GRIK1: variants seen among roughly 807,000 people sequenced by gnomAD.
GRIK1 encodes glutamate ionotropic receptor kainate type subunit 1, also known as glutamate receptor ionotropic, kainate 1.
In GRIK1, 69 loss-of-function variants were observed where a neutral mutation model predicts 105.7. The observed-to-expected ratio is 0.65, with a 90% CI of 0.54 to 0.80. GRIK1 has a LOEUF of 0.80. Ranked by LOEUF, GRIK1 falls within the 30% of genes least tolerant of loss-of-function variation. The pLI, the probability that GRIK1 is intolerant of heterozygous loss-of-function variation, is 0.00. For missense variants in GRIK1, 1,109 were observed against 1,167.3 expected, an observed-to-expected ratio of 0.95 and a Z score of 0.73; for synonymous variants, 438 against 431.3, an observed-to-expected ratio of 1.02 and a Z score of -0.19.
chr21:29,574,680 CTTCT>C (rs2090839990), intron 14 of GRIK1, among the ~76,000 whole-genome samples: 1 of 141,898 alleles, frequency 7.0e-6, no homozygotes, highest in African/African-American at 2.6e-5. Flanking sequence ...AAATGATACA[CTTCT>C]TTTTTTTTTT....
chr21:29,707,925 T>C (rs1601502011), intron 1 of GRIK1, among the ~76,000 whole-genome samples: 1 of 152,210 alleles, frequency 6.6e-6, no homozygotes, highest in East Asian at 1.9e-4. Context: ...GGTAAGTTGT[T>C]GTCAGTTCTT....
intron 1 of GRIK1, among the ~76,000 whole-genome samples, chr21:29,831,465 AG>A (rs1200237501): frequency 6.6e-6 from 1 of 152,202 alleles, no homozygotes; most frequent in Non-Finnish European, 1.5e-5. Flanking sequence ...TAAAGAAAAA[AG>A]GCTTAATTGA....
intron 1 of GRIK1, among the ~76,000 whole-genome samples, chr21:29,734,018 C>T (rs911705566): frequency 1.3e-5 from 2 of 151,854 alleles, no homozygotes; most frequent in African/African-American, 2.4e-5. Flanking sequence ...TTGTGTAATT[C>T]AATTTTTTCA....
intron 1 of GRIK1, among the ~76,000 whole-genome samples, chr21:29,897,144 G>A (rs1004882625): frequency 6.6e-6 from 1 of 152,188 alleles, no homozygotes; most frequent in African/African-American, 2.4e-5. Flanking sequence ...TCATGCCTTT[G>A]TCTGAGTGAT....
chr21:29,833,207 A>T (rs1485427611), intron 1 of GRIK1, among the ~76,000 whole-genome samples: 1 of 152,200 alleles, frequency 6.6e-6, no homozygotes, highest in Non-Finnish European at 1.5e-5. Flanking sequence ...TATTACTATC[A>T]GCATTTTGGT....
At chr21:29,602,099 G>A (rs912675180) in intron 7 of GRIK1, among the ~76,000 whole-genome samples, 1 of 152,202 alleles carries the variant, frequency 6.6e-6, no homozygotes, top group Non-Finnish European at 1.5e-5. Flanking sequence ...GGCCTTGGTT[G>A]AGTCATTTTG....
At chr21:29,565,933 T>C (rs1007617327) in intron 14 of GRIK1, among the ~76,000 whole-genome samples, 9 of 152,158 alleles carry the variant, frequency 5.9e-5, no homozygotes, top group Non-Finnish European at 1.3e-4. Flanking sequence ...CAGCACAGAA[T>C]TGAGGGCTCT....
intron 12 of GRIK1, among the ~76,000 whole-genome samples, chr21:29,582,984 G>A (rs1237828004): frequency 1.3e-5 from 2 of 152,220 alleles, no homozygotes; most frequent in East Asian, 3.9e-4. Flanking sequence ...ACAAGGAAAT[G>A]AGCAGACAAT....
In GRIK1 at chr21:29,821,669, G is replaced by A. The variant is rs77372171; in HGVS notation, c.118+117714C>T. Among the ~76,000 whole-genome samples, 11 of 152,128 alleles carry A rather than the reference G, an allele frequency of 7.2e-5. No individual in the cohort carries two copies. In the East Asian group the frequency reaches 1.9e-3, roughly 27 times the overall value. On this transcript the variant is annotated intron_variant, in intron 1 of 17. Coordinates refer to ENST00000327783, the MANE Select transcript of GRIK1 (RefSeq NM_001330994.2). The stretch of plus-strand genomic sequence containing the variant: ...CAAAATTATTACCGTAGTATAGTAT[G>A]TACAAGAGTTATAATCTGCATCTTT...
At chr21:29,888,352 C>T (rs1214746872) in intron 1 of GRIK1, among the ~76,000 whole-genome samples, 2 of 149,764 alleles carry the variant, frequency 1.3e-5, no homozygotes, top group East Asian at 3.9e-4. Flanking sequence ...GCAGCCTTGA[C>T]CTCCTGGGTT....
intron 1 of GRIK1, among the ~76,000 whole-genome samples, chr21:29,874,170 C>T (rs765879718): frequency 3.3e-5 from 5 of 152,134 alleles, no homozygotes; most frequent in Admixed American, 2.0e-4. Context: ...GTTTGGGGAC[C>T]CCTGCTATCG....
intron 1 of GRIK1, among the ~76,000 whole-genome samples, chr21:29,913,524 T>C (rs945887995): frequency 6.6e-6 from 1 of 151,896 alleles, no homozygotes; most frequent in African/African-American, 2.4e-5. Context: ...TAAAGTAACA[T>C]ACATTTCTTA....
At chr21:29,852,246 G>C (rs1206907098) in intron 1 of GRIK1, among the ~76,000 whole-genome samples, 1 of 152,084 alleles carries the variant, frequency 6.6e-6, no homozygotes, top group East Asian at 1.9e-4. Context: ...TACTTAAATA[G>C]TTAGTTCTCT....
At chr21:29,659,260 A>C (rs1234232982) in intron 4 of GRIK1, among the ~76,000 whole-genome samples, 1 of 152,128 alleles carries the variant, frequency 6.6e-6, no homozygotes, top group East Asian at 1.9e-4. Context: ...AAGTCAAATA[A>C]TTTTTCCCCA....
intron 16 of GRIK1, among the ~76,000 whole-genome samples, chr21:29,543,714 G>GGGTC (rs1422134840): frequency 1.3e-5 from 2 of 152,150 alleles, no homozygotes; most frequent in Non-Finnish European, 2.9e-5. Flanking sequence ...CTCATCTCCT[G>GGGTC]GGTCCGTGTA....
intron 1 of GRIK1, among the ~76,000 whole-genome samples, chr21:29,802,414 GTCTC>G (rs1297331593): frequency 6.6e-6 from 1 of 151,622 alleles, no homozygotes; most frequent in African/African-American, 2.4e-5. Flanking sequence ...CTCTTTCTCT[GTCTC>G]TCTCTCTGCC....
At chr21:29,770,856 T>TA (rs1421912815) in intron 1 of GRIK1, among the ~76,000 whole-genome samples, 1 of 152,216 alleles carries the variant, frequency 6.6e-6, no homozygotes, top group Non-Finnish European at 1.5e-5. Flanking sequence ...TAGTGGTTGA[T>TA]AAAAATTTTA....
At chr21:29,662,448 G>A (rs2062983798) in intron 4 of GRIK1, among the ~76,000 whole-genome samples, 1 of 152,078 alleles carries the variant, frequency 6.6e-6, no homozygotes, top group Admixed American at 6.6e-5. Context: ...AGAATACGGA[G>A]GAAACAAATT....
chr21:29,704,387 C>G (rs2063866105), intron 1 of GRIK1, among the ~76,000 whole-genome samples: 1 of 152,192 alleles, frequency 6.6e-6, no homozygotes, highest in Non-Finnish European at 1.5e-5. Flanking sequence ...GAGGTGAACT[C>G]TCCCTTTCTT....
Sources: gnomAD v4.1 joint callset for allele counts (sites outside exome capture counted in the v4.1 genomes callset) on GRCh38, gnomAD v4.1.1 for gene constraint, MANE v1.5 for transcripts, NCBI Gene and HGNC (gene_info 2026-07-23, HGNC 2026-07-21) for gene names.